PARD3B: variants seen among roughly 807,000 people sequenced by gnomAD.
The protein encoded by PARD3B is par-3 family cell polarity regulator beta, also known as partitioning defective 3 homolog B.
In PARD3B, 103 loss-of-function variants were observed where a neutral mutation model predicts 130.2. The observed-to-expected ratio is 0.79, with a 90% CI of 0.67 to 0.93. PARD3B has a LOEUF of 0.93. Among genes scored for constraint, PARD3B ranks in the 40% least tolerant of loss-of-function variants. The probability of loss-of-function intolerance (pLI) is 0.00; values close to 1 mark genes in which losing one functional copy is unlikely to be tolerated. For missense variants in PARD3B, 1,609 were observed against 1,499.2 expected, an observed-to-expected ratio of 1.07 and a Z score of -1.21; for synonymous variants, 583 against 553.2, an observed-to-expected ratio of 1.05 and a Z score of -0.76.
At chr2:204,666,473 A>G (rs2036027725) in intron 1 of PARD3B, among the ~76,000 whole-genome samples, 1 of 152,166 alleles carries the variant, frequency 6.6e-6, no homozygotes, top group Non-Finnish European at 1.5e-5. Context: ...GAATATTTGG[A>G]GAAAAGTGAG....
At chr2:205,551,699 C>G (rs765382761) in intron 21 of PARD3B, among the ~76,000 whole-genome samples, 7 of 152,174 alleles carry the variant, frequency 4.6e-5, no homozygotes, top group Non-Finnish European at 7.4e-5. Context: ...CCCATATCCC[C>G]AACCCCATAT....
intron 3 of PARD3B, among the ~76,000 whole-genome samples, chr2:205,002,003 GAGAA>G (rs1694875236): frequency 6.6e-6 from 1 of 152,124 alleles, no homozygotes; most frequent in Non-Finnish European, 1.5e-5. Context: ...AAGAAATCTT[GAGAA>G]TTTCCCCCTA....
intron 21 of PARD3B, among the ~76,000 whole-genome samples, chr2:205,524,175 G>A (rs926483779): frequency 6.6e-6 from 1 of 151,942 alleles, no homozygotes; most frequent in African/African-American, 2.4e-5. Context: ...TCAGGGTTTT[G>A]GTCTCTGCAT....
At chr2:204,994,315 T>C (rs1407294049) in intron 3 of PARD3B, among the ~76,000 whole-genome samples, 23 of 102,976 alleles carry the variant, frequency 2.2e-4, no homozygotes, top group Non-Finnish European at 4.6e-4. Context: ...ACATCTTTAT[T>C]TCTGCCTTCA....
At chr2:204,839,875 G>A (rs2044198674) in intron 2 of PARD3B, among the ~76,000 whole-genome samples, 1 of 152,132 alleles carries the variant, frequency 6.6e-6, no homozygotes, top group Non-Finnish European at 1.5e-5. Flanking sequence ...TTGTCTGTAA[G>A]GCTAGGTTTC....
Position 205,440,538 on chromosome 2 carries a change from A to G in PARD3B, c.2910A>G (p.Arg970=), listed in dbSNP as rs61741390. The part of the protein sequence containing the change: ...REPCTSANVF[R]SPSPPRAGPF... ...CATGCACATCAGCAAATGTCTTTAG[A>G]TCTCCATCTCCCCCTCGAGCTGGAC... Residue 970 remains arginine (R), a synonymous_variant, in exon 20 of 23, where the codon AGA becomes AGG. Coordinates refer to ENST00000406610, the MANE Select transcript of PARD3B (RefSeq NM_001302769.2). The surrounding 1 kb of genome is among the most constrained non-coding windows in gnomAD (Gnocchi z 4.2). 10,959 of 1,613,952 alleles carry G rather than the reference A, an allele frequency of 6.8e-3. 551 individuals carry two copies. In the African/African-American group the frequency reaches 0.12, roughly 17 times the overall value.
At chr2:205,254,960 G>A (rs542828879) in intron 16 of PARD3B, among the ~76,000 whole-genome samples, 35 of 152,068 alleles carry the variant, frequency 2.3e-4, no homozygotes, top group African/African-American at 6.3e-4. Flanking sequence ...CACCGCGCCC[G>A]GCCGAAGTTC....
chr2:204,998,360 G>GTC (rs1559341478), intron 3 of PARD3B, among the ~76,000 whole-genome samples: 1 of 46,986 alleles, frequency 2.1e-5, no homozygotes, highest in Non-Finnish European at 3.9e-5. Context: ...ATATATATAT[G>GTC]TGTGTGTGTG....
chr2:204,569,554 C>A (rs888008355), intron 1 of PARD3B, among the ~76,000 whole-genome samples: 44 of 152,128 alleles, frequency 2.9e-4, no homozygotes, highest in African/African-American at 1.0e-3. Flanking sequence ...ATGGGCTAGG[C>A]GGTGTCCATT....
At chr2:204,885,930 G>C (rs1460610021) in intron 2 of PARD3B, among the ~76,000 whole-genome samples, 1 of 152,116 alleles carries the variant, frequency 6.6e-6, no homozygotes, top group African/African-American at 2.4e-5. Context: ...GAGCTTCTCA[G>C]CACAATGGTC....
chr2:205,305,591 T>G (rs1181503587), intron 18 of PARD3B, among the ~76,000 whole-genome samples: 1 of 152,170 alleles, frequency 6.6e-6, no homozygotes, highest in Non-Finnish European at 1.5e-5. Context: ...GCAATATATT[T>G]AGATAAGAAT....
chr2:204,964,646 A>G (rs1575432968), intron 2 of PARD3B, among the ~76,000 whole-genome samples: 1 of 152,140 alleles, frequency 6.6e-6, no homozygotes, highest in Non-Finnish European at 1.5e-5. Flanking sequence ...TATTCACACA[A>G]TGTATGTATG....
At chr2:205,597,481 T>C (rs1053946246) in intron 22 of PARD3B, among the ~76,000 whole-genome samples, 3 of 152,238 alleles carry the variant, frequency 2.0e-5, no homozygotes, top group East Asian at 3.8e-4. Context: ...AGCATTGTAA[T>C]AAACAAAGAG....
At position 205,193,035 on chromosome 2, in the gene PARD3B, A is replaced by G. The variant is rs562819800; in HGVS notation, c.2025-170A>G. On this transcript the variant is annotated intron_variant, in intron 14 of 22. Transcript: ENST00000406610. ...ACAGTGTGATAAAATACATGAAAACAGAGTTGCTACATCTCATAAAAGAAA... is the reference window on the plus strand; with the variant it reads ...ACAGTGTGATAAAATACATGAAAACGGAGTTGCTACATCTCATAAAAGAAA... Among the ~76,000 whole-genome samples, 3 of 152,360 alleles carry G rather than the reference A, an allele frequency of 2.0e-5. No individual in the cohort carries two copies. The South Asian group carries it at 6.2e-4, about 32-fold the overall frequency.
chr2:204,636,458 G>A (rs972407086), intron 1 of PARD3B, among the ~76,000 whole-genome samples: 3 of 142,538 alleles, frequency 2.1e-5, no homozygotes, highest in African/African-American at 7.9e-5. Flanking sequence ...AGGTGAGTGT[G>A]TGTGTGTGTG....
At chr2:205,144,966 G>A (rs2033243490) in intron 10 of PARD3B, among the ~76,000 whole-genome samples, 2 of 152,062 alleles carry the variant, frequency 1.3e-5, no homozygotes, top group Admixed American at 1.3e-4. Flanking sequence ...TCGAGGCTGT[G>A]GTAGTATTGT....
chr2:205,119,096 T>C, intron 7 of PARD3B, 50 bp downstream of exon 7: 1 of 1,556,190 alleles, frequency 6.4e-7, no homozygotes, highest in Non-Finnish European at 8.7e-7. Context: ...CTAGCATGGT[T>C]ATAAGCATTA....
intron 11 of PARD3B, among the ~76,000 whole-genome samples, chr2:205,165,701 A>G (rs1481697478): frequency 6.6e-6 from 1 of 151,200 alleles, no homozygotes; most frequent in Non-Finnish European, 1.5e-5. Flanking sequence ...CGGAGCAACA[A>G]GAGGGAGAGA....
chr2:205,522,279 GTTC>G (rs1424497552), intron 21 of PARD3B, among the ~76,000 whole-genome samples: 1 of 150,578 alleles, frequency 6.6e-6, no homozygotes, highest in Non-Finnish European at 1.5e-5. Context: ...ATAAGCTAAT[GTTC>G]TTTTTTTTTC....
Sources: gnomAD v4.1 joint callset for allele counts (sites outside exome capture counted in the v4.1 genomes callset) on GRCh38, gnomAD v4.1.1 for gene constraint, Gnocchi (gnomAD v3.1) non-coding constraint, MANE v1.5 for transcripts, NCBI Gene and HGNC (gene_info 2026-07-23, HGNC 2026-07-21) for gene names.